GDPD1: variants seen among roughly 807,000 people sequenced by gnomAD.
GDPD1 encodes glycerophosphodiester phosphodiesterase domain containing 1.
Under a neutral mutation model 45.1 loss-of-function variants are expected in GDPD1, and 28 were observed. That is an observed-to-expected ratio of 0.62 (90% CI 0.46 to 0.85). GDPD1 has a LOEUF of 0.85. GDPD1 is among the 40% of genes least tolerant of loss of function. GDPD1 has a pLI of 0.00. For synonymous variants in GDPD1, 139 were observed against 131.4 expected (o/e 1.06, Z -0.40); for missense variants, 256 against 364.8 (o/e 0.70, Z 2.43).
intron 9 of GDPD1, among the ~76,000 whole-genome samples, chr17:59,273,192 G>C (rs1163379925): frequency 6.6e-6 from 1 of 150,432 alleles, no homozygotes. Context: ...CAGTGGTGCA[G>C]TCTTGACTCA....
intron 6 of GDPD1, among the ~76,000 whole-genome samples, chr17:59,262,183 G>A (rs2047362247): frequency 6.6e-6 from 1 of 151,986 alleles, no homozygotes; most frequent in Non-Finnish European, 1.5e-5. Context: ...GCCTCCCAAA[G>A]TGCTGGGATT....
intron 2 of GDPD1, 33 bp downstream of exon 2, chr17:59,234,567 T>G: frequency 6.8e-7 from 1 of 1,461,270 alleles, no homozygotes; most frequent in Non-Finnish European, 9.6e-7. Context: ...AGGTACTCTT[T>G]TCTTTTACAG....
Position 59,264,965 on chromosome 17 carries a change from C to G in GDPD1, c.577-2076C>G, listed in dbSNP as rs989040248. On this transcript the variant is annotated intron_variant, in intron 6 of 9. Transcript: ENST00000284116. ...AAGAGATTCTCCTGCCTCAGCCTCC[C>G]GAGTAGCTGGGGTTACAGTTGTACG... Among the ~76,000 whole-genome samples, 3 of 151,736 alleles carry G rather than the reference C, an allele frequency of 2.0e-5. No homozygotes were observed. In the South Asian group the frequency reaches 6.2e-4, roughly 32 times the overall value.
intron 1 of GDPD1, among the ~76,000 whole-genome samples, chr17:59,227,323 G>C (rs905142589): frequency 6.6e-6 from 1 of 151,900 alleles, no homozygotes; most frequent in Non-Finnish European, 1.5e-5. Flanking sequence ...GGAGGCTGAG[G>C]CAGGAGAATC....
intron 8 of GDPD1, among the ~76,000 whole-genome samples, chr17:59,272,044 C>CT (rs1268270162): frequency 6.6e-6 from 1 of 151,616 alleles, no homozygotes; most frequent in Non-Finnish European, 1.5e-5. Context: ...TCAAGGATGC[C>CT]TTTTTTTTGT....
chr17:59,225,511 T>G (rs2047040758), intron 1 of GDPD1, among the ~76,000 whole-genome samples: 1 of 152,122 alleles, frequency 6.6e-6, no homozygotes, highest in South Asian at 2.1e-4. Flanking sequence ...TTTTCCACTG[T>G]GAGGTTACTT....
At chr17:59,256,703 A>G (rs1376408678) in intron 4 of GDPD1, among the ~76,000 whole-genome samples, 1 of 152,188 alleles carries the variant, frequency 6.6e-6, no homozygotes, top group Non-Finnish European at 1.5e-5. Context: ...ATATTGTACT[A>G]TAGATTTGCA....
chr17:59,225,970 T>G (rs2047044530), intron 1 of GDPD1, among the ~76,000 whole-genome samples: 1 of 148,854 alleles, frequency 6.7e-6, no homozygotes. Context: ...ATCCACCAGC[T>G]TCTGCCTCTC....
chr17:59,234,562 C>G (rs764348959), intron 2 of GDPD1, 28 bp downstream of exon 2: 8 of 1,519,032 alleles, frequency 5.3e-6, no homozygotes, highest in Non-Finnish European at 7.3e-6. Flanking sequence ...GTAAAAGGTA[C>G]TCTTTTCTTT....
intron 1 of GDPD1, among the ~76,000 whole-genome samples, chr17:59,231,327 T>C (rs980654613): frequency 4.2e-5 from 6 of 143,708 alleles, no homozygotes; most frequent in Admixed American, 1.4e-4. Context: ...TTTCTTTCTT[T>C]TTTTTTTTTT....
chr17:59,272,924 G>T, intron 9 of GDPD1, 88 bp downstream of exon 9: 1 of 1,609,958 alleles, frequency 6.2e-7, no homozygotes, highest in Non-Finnish European at 8.5e-7. Context: ...AACTGACTTA[G>T]TTTGGCCCTT....
chr17:59,267,617 G>A (rs537661924), intron 7 of GDPD1, among the ~76,000 whole-genome samples: 85 of 150,144 alleles, frequency 5.7e-4, no homozygotes, highest in African/African-American at 2.0e-3. Context: ...CTGGAGATAG[G>A]AAAATAAAAG....
chr17:59,244,925 G>T (rs545412981), intron 2 of GDPD1, among the ~76,000 whole-genome samples: 1 of 152,144 alleles, frequency 6.6e-6, no homozygotes, highest in Non-Finnish European at 1.5e-5. Context: ...GAGCCCAGGA[G>T]TTTGAGGATG....
intron 8 of GDPD1, among the ~76,000 whole-genome samples, chr17:59,272,435 C>T (rs991299175): frequency 1.3e-5 from 2 of 152,168 alleles, no homozygotes; most frequent in African/African-American, 4.8e-5. Context: ...AAGTTAGGAA[C>T]ACACATTAAT....
At chr17:59,250,857 A>T (rs533305572) in intron 4 of GDPD1, among the ~76,000 whole-genome samples, 1 of 151,958 alleles carries the variant, frequency 6.6e-6, no homozygotes, top group East Asian at 1.9e-4. Context: ...CCGCCACCAT[A>T]CCCGACTAAT....
At chr17:59,234,261 G>C (rs948085663) in intron 1 of GDPD1, among the ~76,000 whole-genome samples, 1 of 151,910 alleles carries the variant, frequency 6.6e-6, no homozygotes, top group African/African-American at 2.4e-5. Context: ...TGAGGCAGGA[G>C]AATGGTGTGA....
In GDPD1 at chr17:59,250,492, A is replaced by T. The variant is rs76963501; in HGVS notation, c.367+1707A>T. On this transcript the variant is annotated intron_variant, in intron 4 of 9. Transcript: ENST00000284116. ...TAGCCAGTCATGGTGGAATATGCCT[A>T]TAGTCTCAGCTATTTAAGAGACTTG... Among the ~76,000 whole-genome samples the T allele has an allele frequency of 2.0e-5, 3 of 151,746 alleles. No individual in the cohort carries two copies. The South Asian group carries it at 6.2e-4, about 31-fold the overall frequency.
In GDPD1 at chr17:59,272,806, G is replaced by T; in HGVS notation, c.792G>T (p.Leu264Phe). 1 of 1,612,984 alleles carries T rather than the reference G, an allele frequency of 6.2e-7. No homozygotes were observed. The highest frequency in any genetic ancestry group is 8.5e-7 in the Non-Finnish European group (1 of 1,179,050). ...CTAGCTTACTAATGAGGAAAGCTTT[G>T]TTTGACCACCTAACTGCTCGAGGCA... The part of the protein sequence containing the change: ...LSDLLLMRKA[L>F]FDHLTARGIQ... The change falls in exon 9 of 10, where the codon TTG becomes TTT. Residue 264 changes from leucine (L) to phenylalanine (F), a missense_variant. Transcript: ENST00000284116.
intron 7 of GDPD1, among the ~76,000 whole-genome samples, chr17:59,269,920 A>G (rs2047432028): frequency 6.6e-6 from 1 of 152,162 alleles, no homozygotes; most frequent in African/African-American, 2.4e-5. Context: ...TGTTCCTTTT[A>G]GAAGCAAATA....
Sources: gnomAD v4.1 joint callset for allele counts (sites outside exome capture counted in the v4.1 genomes callset) on GRCh38, gnomAD v4.1.1 for gene constraint, MANE v1.5 for transcripts, NCBI Gene and HGNC (gene_info 2026-07-23, HGNC 2026-07-21) for gene names.